FBLN1: variants seen among roughly 807,000 people sequenced by gnomAD.
FBLN1 encodes the protein fibulin 1.
FBLN1 carries 34 observed loss-of-function variants against 89.7 expected under a neutral mutation model. That is an observed-to-expected ratio of 0.38 (90% CI 0.29 to 0.50). The LOEUF is 0.50. FBLN1 is among the 20% of genes least tolerant of loss of function. FBLN1 has a pLI of 0.92. For missense variants in FBLN1, 777 were observed against 988.1 expected, an observed-to-expected ratio of 0.79 and a Z score of 2.86; for synonymous variants, 393 against 391.3, an observed-to-expected ratio of 1.00 and a Z score of -0.05.
Position 45,545,535 on chromosome 22 carries a change from T to C in FBLN1, c.1322-1550T>C, listed in dbSNP as rs1480191560. 5.3e-5 allele frequency among the ~76,000 whole-genome samples: 8 copies of C among 152,150 alleles called. No homozygotes were observed. Among genetic ancestry groups the C allele is most frequent in the Admixed American group, 1.3e-4 (2 of 15,278 alleles). On this transcript the variant is annotated intron_variant, in intron 11 of 16. Transcript: ENST00000327858. The surrounding 1 kb of genome is among the most constrained non-coding windows in gnomAD (Gnocchi z 5.9). ...TTCATATCCACATTAGTGGACAATATTGTGGATATAGAACCAGAGCCTGGC... is the reference window on the plus strand; with the variant it reads ...TTCATATCCACATTAGTGGACAATACTGTGGATATAGAACCAGAGCCTGGC...
At chr22:45,533,602 G>A (rs1021857828) in intron 6 of FBLN1, among the ~76,000 whole-genome samples, 159 bp from the exon 7 acceptor site, 2 of 152,202 alleles carry the variant, frequency 1.3e-5, no homozygotes, top group Admixed American at 6.5e-5. Flanking sequence ...TTTCGACTCC[G>A]TGCAGTCCAC....
At position 45,574,777 on chromosome 22, in the gene FBLN1, CTTTTTTT is replaced by C. The variant is rs756869112; in HGVS notation, c.1840+140_1840+146del. The C allele has an allele frequency of 6.4e-5, 29 of 451,922 alleles. No individual in the cohort carries two copies. Among genetic ancestry groups the C allele is most frequent in the East Asian group, 8.2e-5 (2 of 24,358 alleles). 28.0% of individuals were successfully genotyped at this position (451,922 alleles called of 1,614,324 possible). The stretch of plus-strand genomic sequence containing the variant: ...CCCAGGCTTTGAAATGCAGAACTTT[CTTTTTTT>C]TTTTTTTTTTTTTTTGAGACGGAGT... On this transcript the variant is annotated intron_variant, in intron 15 of 16. Coordinates refer to ENST00000327858, the MANE Select transcript of FBLN1 (RefSeq NM_006486.3). The surrounding 1 kb of genome is among the most constrained non-coding windows in gnomAD (Gnocchi z 4.1).
chr22:45,576,527 C>A lies in FBLN1; in HGVS notation c.1841-450C>A, dbSNP rs1324055115. Among the ~76,000 whole-genome samples, 1 of 152,014 alleles carries A rather than the reference C, an allele frequency of 6.6e-6. No homozygotes were observed. Among genetic ancestry groups the A allele is most frequent in the Non-Finnish European group, 1.5e-5 (1 of 68,004 alleles). On this transcript the variant is annotated intron_variant, in intron 15 of 16. Coordinates refer to ENST00000327858, the MANE Select transcript of FBLN1 (RefSeq NM_006486.3). This position sits in a 1 kb window ranked among gnomAD's most constrained non-coding sequence, Gnocchi z 5.2. ...TCTGATCTGGGAGATGGACACACAC[C>A]CCCCAGAGAACCCAGGCCACCGCTC...
chr22:45,537,448 G>A lies in FBLN1; in HGVS notation c.922+2111G>A, dbSNP rs532244094. ...AGCCTGACCAATATGGTGAAACCCC[G>A]TCTCTACTAAAAATACAAAAATTAG... On this transcript the variant is annotated intron_variant, in intron 8 of 16. Transcript: ENST00000327858. This position sits in a 1 kb window ranked among gnomAD's most constrained non-coding sequence, Gnocchi z 5.7. Among the ~76,000 whole-genome samples, 7 of 152,082 alleles carry A rather than the reference G, an allele frequency of 4.6e-5. No individual in the cohort carries two copies. The highest frequency in any genetic ancestry group is 2.1e-4 in the South Asian group (1 of 4,814).
chr22:45,525,864 G>A (rs2088320160), intron 3 of FBLN1, among the ~76,000 whole-genome samples, 186 bp downstream of exon 3: 1 of 152,206 alleles, frequency 6.6e-6, no homozygotes, highest in Non-Finnish European at 1.5e-5. Context: ...CTCCACTGTA[G>A]CCGTAAACCC....
At chr22:45,591,957 G>A (rs113620902) in intron 16 of FBLN1, among the ~76,000 whole-genome samples, 136 of 132,014 alleles carry the variant, frequency 1.0e-3, no homozygotes, top group African/African-American at 3.6e-3. Context: ...AGACAGGAGG[G>A]AGGAAGTGTC....
At chr22:45,598,753 G>T (rs1270072732) in intron 16 of FBLN1, among the ~76,000 whole-genome samples, 1 of 152,232 alleles carries the variant, frequency 6.6e-6, no homozygotes. Flanking sequence ...ATGCGAAGGG[G>T]ATCTGCTGAG....
At chr22:45,565,273 C>A (rs945120537) in intron 14 of FBLN1, 3 of 1,335,780 alleles carry the variant, frequency 2.2e-6, no homozygotes, top group Non-Finnish European at 2.9e-6. Context: ...TGAAGCATAG[C>A]CTCCTTGGAA....
rs113906773 is a variant in FBLN1 at position 45,543,398 on chromosome 22, C to T, written c.1196-3C>T. Reference sequence around the variant, plus strand: ...CCTGAGTCAGCCCACCCCTCACTTTCAGATGTCAACGAGTGCCAGCGCTAC... The same window carrying T: ...CCTGAGTCAGCCCACCCCTCACTTTTAGATGTCAACGAGTGCCAGCGCTAC... On this transcript the variant is annotated splice_region_variant and splice_polypyrimidine_tract_variant and intron_variant, in intron 10 of 16. Coordinates refer to ENST00000327858, the MANE Select transcript of FBLN1 (RefSeq NM_006486.3). 6.2e-7 allele frequency: 1 copy of T among 1,612,154 alleles called. No homozygotes were observed. Among genetic ancestry groups the T allele is most frequent in the Non-Finnish European group, 8.5e-7 (1 of 1,179,980 alleles).
Position 45,550,679 on chromosome 22 carries a change from C to G in FBLN1, c.1697+64C>G. On this transcript the variant is annotated intron_variant, in intron 14 of 16. Coordinates refer to ENST00000327858, the MANE Select transcript of FBLN1 (RefSeq NM_006486.3). This position sits in a 1 kb window ranked among gnomAD's most constrained non-coding sequence, Gnocchi z 8.4. ...TTGGCCTTCCTGGTGACCCAGTTCC[C>G]GGGTGGGTGGGTTATCAGGCTGTGA... The G allele has an allele frequency of 6.2e-7, 1 of 1,612,174 alleles. No homozygotes were observed. The highest frequency in any genetic ancestry group is 1.1e-5 in the South Asian group (1 of 90,932).
Position 45,527,861 on chromosome 22 carries a change from C to T in FBLN1, c.336C>T (p.Cys112=). ...EATFVKRCCH[C]CLLGRAAQAQ... is the part of the protein sequence containing the mutation. ...TGTGTTTGCAGAGGTGCTGCCATTG[C>T]TGTCTGCTGGGGAGGGCGGCCCAGG... is the stretch of plus-strand genomic sequence containing the variant. The change falls in exon 4 of 17, where the codon TGC becomes TGT. Residue 112 remains cysteine (C), a synonymous_variant. Coordinates refer to ENST00000327858, the MANE Select transcript of FBLN1 (RefSeq NM_006486.3). 1 of 1,614,066 alleles carries T rather than the reference C, an allele frequency of 6.2e-7. No individual in the cohort carries two copies.
chr22:45,541,396 G>A, intron 9 of FBLN1, 24 bp downstream of exon 9: 8 of 1,614,038 alleles, frequency 5.0e-6, no homozygotes, highest in African/African-American at 2.7e-5. Context: ...AAACAAATCT[G>A]AAATCCACTT....
rs1293279874 is a variant in FBLN1, at chr22:45,597,819, C to G, written c.1973-2488C>G. The stretch of plus-strand genomic sequence containing the variant: ...CCATCGGAGCTAAAGCCCATGTTTG[C>G]TTAGGGAACAGCCTGAAATTCCACC... On this transcript the variant is annotated intron_variant, in intron 16 of 16. Coordinates refer to ENST00000327858, the MANE Select transcript of FBLN1 (RefSeq NM_006486.3). The surrounding 1 kb of genome is among the most constrained non-coding windows in gnomAD (Gnocchi z 4.2). 6.6e-6 allele frequency among the ~76,000 whole-genome samples: 1 copy of G among 152,206 alleles called. No individual in the cohort carries two copies. Among genetic ancestry groups the G allele is most frequent in the Non-Finnish European group, 1.5e-5 (1 of 68,040 alleles).
At position 45,533,788 on chromosome 22, in the gene FBLN1, A is replaced by T; in HGVS notation, c.674A>T (p.His225Leu). 1 of 1,613,258 alleles carries T rather than the reference A, an allele frequency of 6.2e-7. No homozygotes were observed. Among genetic ancestry groups the T allele is most frequent in the Non-Finnish European group, 8.5e-7 (1 of 1,179,968 alleles). The change falls in exon 7 of 17, where the codon CAC (histidine) becomes CTC (leucine). Residue 225 changes from histidine to leucine, a missense_variant. Coordinates refer to ENST00000327858, the MANE Select transcript of FBLN1 (RefSeq NM_006486.3). ...EDVNECITGSHSCRLGESCIN... is the reference protein window; with the variant it reads ...EDVNECITGSLSCRLGESCIN... ...GTCAATGAATGCATCACGGGCAGCC[A>T]CAGCTGCCGGCTTGGAGAATCCTGC...
chr22:45,594,276 G>A (rs1373569023), intron 16 of FBLN1, among the ~76,000 whole-genome samples: 2 of 152,076 alleles, frequency 1.3e-5, no homozygotes, highest in East Asian at 3.9e-4. Flanking sequence ...TTCGTGATGG[G>A]GAGGCAGCCA....
chr22:45,505,051 T>C (rs954897946), intron 1 of FBLN1, among the ~76,000 whole-genome samples: 1 of 152,214 alleles, frequency 6.6e-6, no homozygotes, highest in African/African-American at 2.4e-5. Context: ...GTGAGCCTGT[T>C]AGCTGATCTG....
intron 14 of FBLN1, among the ~76,000 whole-genome samples, chr22:45,571,111 C>CAAAAAAAAAAAAAAAAAAAAAA (rs542647353): frequency 1.4e-5 from 1 of 70,862 alleles, no homozygotes; most frequent in Admixed American, 1.8e-4. Flanking sequence ...ACAAGAGTCT[C>CAAAAAAAAAAAAAAAAAAAAAA]AAAAAAAAAA....
chr22:45,518,804 C>A lies in FBLN1; in HGVS notation c.185+17C>A. 1 of 1,576,106 alleles carries A rather than the reference C, an allele frequency of 6.3e-7. No individual in the cohort carries two copies. The highest frequency in any genetic ancestry group is 8.7e-7 in the Non-Finnish European group (1 of 1,153,446). Reference sequence around the variant, plus strand: ...AGAATGCAGGTACGTTTGCCAGTGGCCACTGTTTCACTGGAACAATGTTCC... The same window carrying A: ...AGAATGCAGGTACGTTTGCCAGTGGACACTGTTTCACTGGAACAATGTTCC... On this transcript the variant is annotated intron_variant, in intron 2 of 16. Coordinates refer to ENST00000327858, the MANE Select transcript of FBLN1 (RefSeq NM_006486.3).
At chr22:45,519,255 G>T (rs915268727) in intron 2 of FBLN1, among the ~76,000 whole-genome samples, 1 of 152,098 alleles carries the variant, frequency 6.6e-6, no homozygotes, top group Non-Finnish European at 1.5e-5. Flanking sequence ...CATCTGGATC[G>T]ACCGTTTTTA....
Sources: allele counts gnomAD v4.1 joint callset (sites outside exome capture counted in the v4.1 genomes callset), GRCh38; gene constraint gnomAD v4.1.1; non-coding constraint Gnocchi (gnomAD v3.1); transcripts MANE v1.5; gene names NCBI Gene and HGNC (gene_info 2026-07-23, HGNC 2026-07-21).